Variants in PIGU observed in about 807,000 individuals in gnomAD.
PIGU encodes GPI-anchor transamidase component PIGU.
Under a neutral mutation model 49.9 loss-of-function variants are expected in PIGU, and 24 were observed. That is an observed-to-expected ratio of 0.48 (90% CI 0.35 to 0.68). The LOEUF is 0.68. Ranked by LOEUF, PIGU falls within the 30% of genes least tolerant of loss-of-function variation. The pLI is 0.01. For missense variants in PIGU, 490 were observed against 532.6 expected (o/e 0.92, Z 0.79); for synonymous variants, 220 against 205.7 (o/e 1.07, Z -0.59).
chr20:34,562,219 G>C (rs1982549915), intron 11 of PIGU, among the ~76,000 whole-genome samples: 1 of 152,216 alleles, frequency 6.6e-6, no homozygotes, highest in Admixed American at 6.5e-5. Flanking sequence ...AGGTTGGGCA[G>C]GGCCCAGCCT....
At position 34,672,559 on chromosome 20, in the gene PIGU, CA is replaced by C. The variant is rs889476755; in HGVS notation, c.130+4396del. On this transcript the variant is annotated intron_variant, in intron 1 of 11. Transcript: ENST00000217446. ...TTCCAGAGCTTTCGTTGCACTTATT[CA>C]AAAAAAAAGAGGTCAGGCATGGTGG... Among the ~76,000 whole-genome samples the C allele has an allele frequency of 8.3e-3, 1,236 of 149,784 alleles. 19 individuals are homozygous for C. Among genetic ancestry groups the C allele is most frequent in the African/African-American group, 0.029 (1,186 of 40,944 alleles).
At chr20:34,570,431 T>TTTTTTC (rs1982959409) in intron 11 of PIGU, among the ~76,000 whole-genome samples, 1 of 152,076 alleles carries the variant, frequency 6.6e-6, no homozygotes, top group Non-Finnish European at 1.5e-5. Flanking sequence ...TTATTTTTTT[T>TTTTTTC]TGAGACACAG....
intron 1 of PIGU, among the ~76,000 whole-genome samples, chr20:34,673,550 C>T (rs566342623): frequency 6.6e-6 from 1 of 152,296 alleles, no homozygotes; most frequent in Admixed American, 6.5e-5. Context: ...CAGTATTGTA[C>T]TATCACATTA....
Position 34,644,251 on chromosome 20 carries a change from G to C in PIGU, c.256-25C>G, listed in dbSNP as rs1021579833. 8 of 1,569,496 alleles carry C rather than the reference G, an allele frequency of 5.1e-6. No homozygotes were observed. In the African/African-American group the frequency reaches 1.1e-4, roughly 21 times the overall value. On this transcript the variant is annotated intron_variant, in intron 3 of 11. Coordinates refer to ENST00000217446, the MANE Select transcript of PIGU (RefSeq NM_080476.5). ...TCTGTCAAAAGAAAGAGAAATAATAGGAAATGGAACACAGTAAGTGTAAGA... is the reference window on the plus strand; with the variant it reads ...TCTGTCAAAAGAAAGAGAAATAATACGAAATGGAACACAGTAAGTGTAAGA...
At position 34,676,979 on chromosome 20, in the gene PIGU, G is replaced by C; in HGVS notation, c.107C>G (p.Ser36Cys). ...EFISERVEVV[S>C]PLSSWKRVVE... Reference sequence around the variant, plus strand: ...ACCTCTCTTCCAAGAGCTCAGTGGGGACACCACCTCCACCCGCTCGGAAAT... The same window carrying C: ...ACCTCTCTTCCAAGAGCTCAGTGGGCACACCACCTCCACCCGCTCGGAAAT... Residue 36 changes from serine (S) to cysteine (C), a missense_variant, in exon 1 of 12, where the codon TCC becomes TGC. Physicochemically the swap from Ser to Cys is moderately radical, Grantham distance 112. Transcript: ENST00000217446. 6.3e-7 allele frequency: 1 copy of C among 1,579,578 alleles called. No individual in the cohort carries two copies.
In PIGU at chr20:34,654,154, G is replaced by A. The variant is rs1357430139; in HGVS notation, c.195+3026C>T. On this transcript the variant is annotated intron_variant, in intron 2 of 11. Coordinates refer to ENST00000217446, the MANE Select transcript of PIGU (RefSeq NM_080476.5). ...TTACAGGCGTGAGCCACCGTGCCCG[G>A]CCCTGTGTGCTTATTAAGAGTCTCT... Among the ~76,000 whole-genome samples the A allele has an allele frequency of 2.1e-5, 2 of 95,262 alleles. 1 individual carries two copies. Among genetic ancestry groups the A allele is most frequent in the Non-Finnish European group, 4.4e-5 (2 of 45,704 alleles). The allele number at this position is 95,262 out of a possible 152,430, so 62.5% of individuals were successfully genotyped here.
chr20:34,659,407 C>T (rs1456845264), intron 1 of PIGU, among the ~76,000 whole-genome samples: 2 of 139,522 alleles, frequency 1.4e-5, no homozygotes, highest in African/African-American at 5.5e-5. Flanking sequence ...CCCGGCCAGC[C>T]GCCCGGTCCG....
At chr20:34,565,719 ACACACACACACACACAGGTG>A (rs1261957151) in intron 11 of PIGU, among the ~76,000 whole-genome samples, 4 of 151,528 alleles carry the variant, frequency 2.6e-5, no homozygotes, top group African/African-American at 9.7e-5. Flanking sequence ...ACACACACAC[ACACACACACACACACAGGTG>A]CACACACACG....
chr20:34,638,851 C>G (rs956340108), intron 4 of PIGU, among the ~76,000 whole-genome samples: 4 of 152,116 alleles, frequency 2.6e-5, no homozygotes, highest in African/African-American at 9.7e-5. Flanking sequence ...ATCTTATAAG[C>G]AAACATGGGT....
chr20:34,668,867 CTTTTTTTTTTTTTTTT>C (rs374136983), intron 1 of PIGU, among the ~76,000 whole-genome samples: 3 of 44,690 alleles, frequency 6.7e-5, no homozygotes, highest in Admixed American at 4.0e-4. Context: ...AATGGTAAAA[CTTTTTTTTTTTTTTTT>C]TTTTTTTTTT....
At chr20:34,595,987 A>AG (rs1414174182) in intron 7 of PIGU, among the ~76,000 whole-genome samples, 13 of 152,192 alleles carry the variant, frequency 8.5e-5, no homozygotes, top group Non-Finnish European at 1.5e-4. Context: ...CTGAGGCAAG[A>AG]GGACTGCTTG....
intron 7 of PIGU, among the ~76,000 whole-genome samples, chr20:34,602,765 T>G (rs1164250655): frequency 1.3e-5 from 2 of 152,188 alleles, no homozygotes; most frequent in Non-Finnish European, 2.9e-5. Context: ...TGAACATCCT[T>G]ATAACCACTA....
At chr20:34,672,020 C>T (rs571824340) in intron 1 of PIGU, among the ~76,000 whole-genome samples, 1 of 152,288 alleles carries the variant, frequency 6.6e-6, no homozygotes, top group Admixed American at 6.5e-5. Flanking sequence ...GCACCCTCCA[C>T]CTCTGCCTCC....
At position 34,581,657 on chromosome 20, in the gene PIGU, G is replaced by T. The variant is rs1346592984; in HGVS notation, c.942C>A (p.Phe314Leu). The T allele has an allele frequency of 6.2e-7, 1 of 1,613,106 alleles. No homozygotes were observed. Among genetic ancestry groups the T allele is most frequent in the African/African-American group, 1.3e-5 (1 of 74,630 alleles). The change falls in exon 10 of 12, where the codon TTC (phenylalanine) becomes TTA (leucine). Residue 314 changes from phenylalanine to leucine, a missense_variant. By Grantham distance (22) the Phe-to-Leu change is conservative. Coordinates refer to ENST00000217446, the MANE Select transcript of PIGU (RefSeq NM_080476.5). The stretch of plus-strand genomic sequence containing the variant: ...TGACAGCGATCTGGATAAACATGAA[G>T]AAGATGGGGTGCTCCCTGGGGCAGG... ...LAIKLKEHPI[F>L]FMFIQIAVIA...
intron 10 of PIGU, among the ~76,000 whole-genome samples, chr20:34,575,590 C>A (rs145301561): frequency 1.4e-4 from 21 of 152,178 alleles, no homozygotes; most frequent in African/African-American, 5.1e-4. Context: ...TTGGAGGGTC[C>A]AAGAGTATCC....
chr20:34,659,204 G>A (rs550910152), intron 1 of PIGU, among the ~76,000 whole-genome samples: 20 of 140,292 alleles, frequency 1.4e-4, no homozygotes, highest in African/African-American at 4.2e-4. Context: ...GAGGGAGGTG[G>A]GGGGGTCAGC....
intron 6 of PIGU, among the ~76,000 whole-genome samples, chr20:34,628,204 TGG>T (rs1985567153): frequency 6.6e-6 from 1 of 152,080 alleles, no homozygotes; most frequent in Non-Finnish European, 1.5e-5. Context: ...GAAATCTGAC[TGG>T]GTGTGGTGGT....
At chr20:34,568,521 C>T (rs1568619125) in intron 11 of PIGU, among the ~76,000 whole-genome samples, 1 of 152,158 alleles carries the variant, frequency 6.6e-6, no homozygotes, top group Admixed American at 6.5e-5. Flanking sequence ...CAGGAAGAAA[C>T]CTGAAATGGG....
At chr20:34,644,957 T>C (rs188062058) in intron 3 of PIGU, among the ~76,000 whole-genome samples, 129 of 152,328 alleles carry the variant, frequency 8.5e-4, no homozygotes, top group Middle Eastern at 3.4e-3. Context: ...TCCATAATAC[T>C]GCCACAGTTC....
Sources: allele counts gnomAD v4.1 joint callset (sites outside exome capture counted in the v4.1 genomes callset), GRCh38; gene constraint gnomAD v4.1.1; transcripts MANE v1.5; gene names NCBI Gene and HGNC (gene_info 2026-07-23, HGNC 2026-07-21).